The following PPARA variants were observed in gnomAD, a reference collection of about 807,000 sequenced individuals.
PPARA encodes the protein peroxisome proliferator activated receptor alpha, also known as peroxisome proliferator-activated receptor alpha.
Under a neutral mutation model 42.2 loss-of-function variants are expected in PPARA, and 22 were observed. That is an observed-to-expected ratio of 0.52 (90% CI 0.37 to 0.74). PPARA has a LOEUF of 0.74. PPARA is among the 30% of genes least tolerant of loss of function. The pLI is 0.00. For missense variants in PPARA, 465 were observed against 608.2 expected (o/e 0.76, Z 2.48); for synonymous variants, 242 against 239.3 (o/e 1.01, Z -0.10).
Position 46,212,644 on chromosome 22 carries a change from C to T in PPARA, c.209-2529C>T, listed in dbSNP as rs1213019671. On this transcript the variant is annotated intron_variant, in intron 4 of 8. Transcript: ENST00000407236. This position sits in a 1 kb window ranked among gnomAD's most constrained non-coding sequence, Gnocchi z 4.2. ...GAGTTCCCACTGTCTGTTTGTACCA[C>T]AGTTTGTATATCTATTCACCTATCT... 6.6e-6 allele frequency among the ~76,000 whole-genome samples: 1 copy of T among 152,144 alleles called. No individual in the cohort carries two copies. Among genetic ancestry groups the T allele is most frequent in the Non-Finnish European group, 1.5e-5 (1 of 68,022 alleles).
In PPARA at chr22:46,235,274, G is replaced by A. The variant is rs1251030535; in HGVS notation, c.1301G>A (p.Arg434Gln). Residue 434 changes from arginine to glutamine, a missense_variant, in exon 9 of 9, where the codon CGG becomes CAG. Physicochemically the swap from Arg to Gln is conservative, Grantham distance 43. Transcript: ENST00000407236. The surrounding 1 kb of genome is among the most constrained non-coding windows in gnomAD (Gnocchi z 7.0). Reference sequence around the variant, plus strand: ...CTTCTTCAAAAAATGGCAGACCTCCGGCAGCTGGTGACGGAGCATGCGCAG... The same window carrying A: ...CTTCTTCAAAAAATGGCAGACCTCCAGCAGCTGGTGACGGAGCATGCGCAG... Reference protein sequence around the residue: ...PKLLQKMADLRQLVTEHAQLV... With the variant: ...PKLLQKMADLQQLVTEHAQLV... 2 of 1,613,896 alleles carry A rather than the reference G, an allele frequency of 1.2e-6. No homozygotes were observed. Among genetic ancestry groups the A allele is most frequent in the Non-Finnish European group, 8.5e-7 (1 of 1,180,040 alleles).
intron 5 of PPARA, 181 bp downstream of exon 5, chr22:46,215,514 G>A (rs955428832): frequency 2.7e-6 from 2 of 740,026 alleles, no homozygotes; most frequent in African/African-American, 3.5e-5. Flanking sequence ...GAGATGGGTG[G>A]ATCACCTGAG....
At position 46,232,237 on chromosome 22, in the gene PPARA, G is replaced by A; in HGVS notation, c.1157G>A (p.Gly386Glu). ...TTTGTGGCTGCTATCATTTGCTGTG[G>A]AGGTGAGTGGTTGATTTAATCTGCT... ...SLFVAAIICCGDRPGLLNVGH... is the reference protein window; with the variant it reads ...SLFVAAIICCEDRPGLLNVGH... Residue 386 changes from glycine to glutamate, a missense_variant and splice_region_variant, in exon 8 of 9, where the codon GGA becomes GAA. Physicochemically the swap from Gly to Glu is moderately conservative, Grantham distance 98. Transcript: ENST00000407236. The surrounding 1 kb of genome is among the most constrained non-coding windows in gnomAD (Gnocchi z 5.3). 6.2e-7 allele frequency: 1 copy of A among 1,613,954 alleles called. No homozygotes were observed. The highest frequency in any genetic ancestry group is 8.5e-7 in the Non-Finnish European group (1 of 1,179,938).
Position 46,169,856 on chromosome 22 carries a change from T to TCA in PPARA, c.-126-6892_-126-6891dup, listed in dbSNP as rs1927715724. Among the ~76,000 whole-genome samples the TCA allele has an allele frequency of 1.3e-5, 2 of 151,952 alleles. 1 individual carries two copies. The highest frequency in any genetic ancestry group is 2.9e-5 in the Non-Finnish European group (2 of 67,974). On this transcript the variant is annotated intron_variant, in intron 2 of 8. Transcript: ENST00000407236. ...GTCATCTTAAGAAAAGCCTCATGTG[T>TCA]CACACAAGGGATACTGACATCTGAC...
chr22:46,176,674 G>A (rs1323929635), intron 2 of PPARA, 79 bp from the exon 3 acceptor site: 1 of 152,200 alleles, frequency 6.6e-6, no homozygotes, highest in Non-Finnish European at 1.5e-5. Context: ...GTTGAATGGT[G>A]TCTTAGTCCA....
rs1930366356 is a variant in PPARA, at chr22:46,184,333, C to T, written c.-43+7497C>T. On this transcript the variant is annotated intron_variant, in intron 3 of 8. Transcript: ENST00000407236. The surrounding 1 kb of genome is among the most constrained non-coding windows in gnomAD (Gnocchi z 4.4). ...AAGAAACCATGTTCACCAATAATTA[C>T]CATAATAGGAGAGAAGTACCAAGTA... 6.6e-6 allele frequency among the ~76,000 whole-genome samples: 1 copy of T among 152,118 alleles called. No homozygotes were observed. Among genetic ancestry groups the T allele is most frequent in the Non-Finnish European group, 1.5e-5 (1 of 68,026 alleles).
In PPARA at chr22:46,185,013, C is replaced by G. The variant is rs151247781; in HGVS notation, c.-43+8177C>G. Among the ~76,000 whole-genome samples, 261 of 152,290 alleles carry G rather than the reference C, an allele frequency of 1.7e-3. 1 individual carries two copies. Among genetic ancestry groups the G allele is most frequent in the African/African-American group, 6.1e-3 (254 of 41,558 alleles). On this transcript the variant is annotated intron_variant, in intron 3 of 8. Transcript: ENST00000407236. ...ATTCATCCATTCCATGGAGTCCCTG[C>G]TGGGCCCTTGCAATCTGGAAATTCA...
chr22:46,190,910 G>A lies in PPARA; in HGVS notation c.-42-7432G>A, dbSNP rs1931450015. Among the ~76,000 whole-genome samples, 1 of 152,170 alleles carries A rather than the reference G, an allele frequency of 6.6e-6. No homozygotes were observed. The highest frequency in any genetic ancestry group is 1.5e-5 in the Non-Finnish European group (1 of 68,032). ...ATTTCAGAAAATATTTACAAAGGGGGCTGGGCACAGTGGCTCATGCCTGTA... is the reference window on the plus strand; with the variant it reads ...ATTTCAGAAAATATTTACAAAGGGGACTGGGCACAGTGGCTCATGCCTGTA... On this transcript the variant is annotated intron_variant, in intron 3 of 8. Transcript: ENST00000407236. The surrounding 1 kb of genome is among the most constrained non-coding windows in gnomAD (Gnocchi z 5.6).
In PPARA at chr22:46,218,193, G is replaced by C. The variant is rs1036192408; in HGVS notation, c.370-70G>C. ...AAACAATAAATGAGCAACAAAAAAG[G>C]TGAGTAAAGCAAGTGCGCTGGTTTC... On this transcript the variant is annotated intron_variant, in intron 5 of 8. Coordinates refer to ENST00000407236, the MANE Select transcript of PPARA (RefSeq NM_005036.6). 1.9e-6 allele frequency: 3 copies of C among 1,576,254 alleles called. No homozygotes were observed. The Admixed American group carries it at 5.1e-5, about 27-fold the overall frequency.
At chr22:46,185,070 G>T (rs1010970155) in intron 3 of PPARA, among the ~76,000 whole-genome samples, 1 of 152,068 alleles carries the variant, frequency 6.6e-6, no homozygotes, top group Non-Finnish European at 1.5e-5. Flanking sequence ...TATCCTGAAC[G>T]TACTGGTTGG....
At chr22:46,198,905 C>T (rs894893086) in intron 4 of PPARA, among the ~76,000 whole-genome samples, 2 of 152,108 alleles carry the variant, frequency 1.3e-5, no homozygotes, top group Non-Finnish European at 2.9e-5. Context: ...ATGATCTGCC[C>T]GCCTCGGCCT....
At chr22:46,168,229 G>A (rs1927386772) in intron 2 of PPARA, among the ~76,000 whole-genome samples, 1 of 150,996 alleles carries the variant, frequency 6.6e-6, no homozygotes, top group East Asian at 1.9e-4. Flanking sequence ...GTAGGCGCCT[G>A]TAGTCCTAGC....
intron 4 of PPARA, among the ~76,000 whole-genome samples, chr22:46,205,531 TATATATATATATATATATA>T: frequency 6.5e-5 from 2 of 30,912 alleles, no homozygotes; most frequent in African/African-American, 3.3e-4. Context: ...TATATATATA[TATATATATATATATATATA>T]TATATTTTTT....
At chr22:46,228,920 C>A (rs774396104) in intron 7 of PPARA, among the ~76,000 whole-genome samples, 3 of 151,546 alleles carry the variant, frequency 2.0e-5, no homozygotes, top group Non-Finnish European at 4.4e-5. Flanking sequence ...CTGGCTAACA[C>A]GGTGAAACCC....
At position 46,231,258 on chromosome 22, in the gene PPARA, A is replaced by G. The variant is rs1935847825; in HGVS notation, c.712-534A>G. 7.0e-6 allele frequency among the ~76,000 whole-genome samples: 1 copy of G among 143,196 alleles called. No individual in the cohort carries two copies. The highest frequency in any genetic ancestry group is 1.5e-5 in the Non-Finnish European group (1 of 66,594). The allele number at this position is 143,196 out of a possible 152,430, so 93.9% of individuals were successfully genotyped here. A position where few individuals can be genotyped will look rare whatever the true frequency, so the allele number is the denominator to read the frequency against. Reference sequence around the variant, plus strand: ...TTTTGAGACGGAGTCTCGCTCTGTCACCCAGGCTGGAGTGCAGTGGCGCAA... The same window carrying G: ...TTTTGAGACGGAGTCTCGCTCTGTCGCCCAGGCTGGAGTGCAGTGGCGCAA... On this transcript the variant is annotated intron_variant, in intron 7 of 8. Transcript: ENST00000407236. The surrounding 1 kb of genome is among the most constrained non-coding windows in gnomAD (Gnocchi z 7.7).
At position 46,232,270 on chromosome 22, in the gene PPARA, T is replaced by C; in HGVS notation, c.1159+31T>C. Reference sequence around the variant, plus strand: ...TGGTTGATTTAATCTGCTGGTATCATGTCACTGACAGGCTCCTGTCTTGAA... The same window carrying C: ...TGGTTGATTTAATCTGCTGGTATCACGTCACTGACAGGCTCCTGTCTTGAA... On this transcript the variant is annotated intron_variant, in intron 8 of 8. Coordinates refer to ENST00000407236, the MANE Select transcript of PPARA (RefSeq NM_005036.6). This position sits in a 1 kb window ranked among gnomAD's most constrained non-coding sequence, Gnocchi z 5.3. 4 of 1,607,350 alleles carry C rather than the reference T, an allele frequency of 2.5e-6. No individual in the cohort carries two copies. Among genetic ancestry groups the C allele is most frequent in the South Asian group, 1.1e-5 (1 of 90,934 alleles).
Position 46,241,749 on chromosome 22 carries a change from T to A in PPARA, c.*6369T>A, listed in dbSNP as rs9627268. 9 of 152,254 alleles carry A rather than the reference T, an allele frequency of 5.9e-5. No homozygotes were observed. The highest frequency in any genetic ancestry group is 1.9e-4 in the African/African-American group (8 of 41,536). 9.4% of individuals were successfully genotyped at this position (152,254 alleles called of 1,614,324 possible). ...TTGTGAGGGGAGAGGAGCTATGGTA[T>A]GTGGTTCAGCTGAAACACATACAAC... On this transcript the variant is annotated 3_prime_UTR_variant, in exon 9 of 9. Transcript: ENST00000407236. This position sits in a 1 kb window ranked among gnomAD's most constrained non-coding sequence, Gnocchi z 5.7.
chr22:46,207,662 A>ATTTTTTTTTTTTTTTTT (rs1933475831), intron 4 of PPARA, among the ~76,000 whole-genome samples: 1 of 85,288 alleles, frequency 1.2e-5, no homozygotes, highest in African/African-American at 5.4e-5. Context: ...TATTATTATT[A>ATTTTTTTTTTTTTTTTT]TTATTATTAT....
chr22:46,222,916 T>TA lies in PPARA; in HGVS notation c.711+2902_711+2903insA, dbSNP rs1935113146. The stretch of plus-strand genomic sequence containing the variant: ...GGCATGTGCCTGTGGTCCCAGGTAC[T>TA]TGGGAAGCTGAGATGGGAGGATGGC... On this transcript the variant is annotated intron_variant, in intron 7 of 8. Transcript: ENST00000407236. This position sits in a 1 kb window ranked among gnomAD's most constrained non-coding sequence, Gnocchi z 5.9. Among the ~76,000 whole-genome samples the TA allele has an allele frequency of 6.6e-6, 1 of 152,132 alleles. No homozygotes were observed. Among genetic ancestry groups the TA allele is most frequent in the African/African-American group, 2.4e-5 (1 of 41,432 alleles).
Sources: allele counts gnomAD v4.1 joint callset (sites outside exome capture counted in the v4.1 genomes callset), GRCh38; gene constraint gnomAD v4.1.1; non-coding constraint Gnocchi (gnomAD v3.1); transcripts MANE v1.5; gene names NCBI Gene and HGNC (gene_info 2026-07-23, HGNC 2026-07-21).